Variants in KCND2 observed in about 807,000 individuals in gnomAD.
KCND2 encodes the protein A-type voltage-gated potassium channel KCND2.
Under a neutral mutation model 54.4 loss-of-function variants are expected in KCND2, and 16 were observed. The ratio of observed to expected loss-of-function variants is 0.29; its 90% CI spans 0.20 to 0.45. The LOEUF is 0.45. Among genes scored for constraint, KCND2 ranks in the 20% least tolerant of loss-of-function variants. The pLI is 1.00. For synonymous variants in KCND2, 317 were observed against 310.7 expected (o/e 1.02, Z -0.21); for missense variants, 486 against 824.2 (o/e 0.59, Z 5.02).
chr7:120,333,916 A>G (rs2116352248), intron 1 of KCND2, among the ~76,000 whole-genome samples: 1 of 152,270 alleles, frequency 6.6e-6, no homozygotes, highest in Non-Finnish European at 1.5e-5. Context: ...ATATGTGACT[A>G]CATTTTTTAA....
intron 1 of KCND2, among the ~76,000 whole-genome samples, chr7:120,550,678 G>C (rs1792095248): frequency 6.6e-6 from 1 of 152,142 alleles, no homozygotes; most frequent in Non-Finnish European, 1.5e-5. Flanking sequence ...TCTCCAGGGA[G>C]TCATTTCAGG....
At chr7:120,686,935 AC>A (rs1186180416) in intron 1 of KCND2, among the ~76,000 whole-genome samples, 5 of 152,102 alleles carry the variant, frequency 3.3e-5, no homozygotes, top group Non-Finnish European at 7.3e-5. Context: ...TTTCCTTGGC[AC>A]CGGTTGTGAA....
chr7:120,405,625 A>T (rs1297580303), intron 1 of KCND2, among the ~76,000 whole-genome samples: 1 of 152,158 alleles, frequency 6.6e-6, no homozygotes, highest in Admixed American at 6.6e-5. Context: ...ATTCACATGC[A>T]CACAGTTATA....
intron 1 of KCND2, among the ~76,000 whole-genome samples, chr7:120,358,834 T>C (rs1373989813): frequency 3.9e-5 from 6 of 152,202 alleles, no homozygotes. Context: ...TACAAATCTC[T>C]GGATATTTCA....
intron 1 of KCND2, among the ~76,000 whole-genome samples, chr7:120,609,994 G>A (rs1401856593): frequency 3.3e-5 from 5 of 152,070 alleles, no homozygotes; most frequent in African/African-American, 4.8e-5. Context: ...GCTATTTTTC[G>A]ATAATTTGGA....
At chr7:120,383,274 C>T (rs1161351698) in intron 1 of KCND2, among the ~76,000 whole-genome samples, 1 of 151,960 alleles carries the variant, frequency 6.6e-6, no homozygotes, top group African/African-American at 2.4e-5. Flanking sequence ...ACTTCTGTAT[C>T]AGCCAATGGC....
intron 1 of KCND2, among the ~76,000 whole-genome samples, chr7:120,409,828 T>C (rs1801421092): frequency 6.6e-6 from 1 of 151,920 alleles, no homozygotes; most frequent in Non-Finnish European, 1.5e-5. Flanking sequence ...AAATATTTTC[T>C]CCATCTGTGG....
In KCND2 at chr7:120,273,181, T is replaced by C. The variant is rs1799103482; in HGVS notation, c.-1452T>C. 2.0e-5 allele frequency among the ~76,000 whole-genome samples: 3 copies of C among 152,144 alleles called. No homozygotes were observed. The South Asian group carries it at 6.2e-4, about 32-fold the overall frequency. On this transcript the variant is annotated 5_prime_UTR_variant, in exon 1 of 6. Coordinates refer to ENST00000331113, the MANE Select transcript of KCND2 (RefSeq NM_012281.3). ...AAGGCAGGAGACGCCTTTCCTAACC[T>C]GCGTGGCGGGGCGTGCGCGCGGTTA...
intron 1 of KCND2, among the ~76,000 whole-genome samples, chr7:120,684,186 C>T (rs1231008330): frequency 2.6e-5 from 4 of 152,124 alleles, no homozygotes; most frequent in East Asian, 1.9e-4. Flanking sequence ...GCTCTGTGTA[C>T]GTGCTAGTGT....
At chr7:120,672,464 A>G (rs1382947712) in intron 1 of KCND2, among the ~76,000 whole-genome samples, 1 of 152,096 alleles carries the variant, frequency 6.6e-6, no homozygotes, top group Non-Finnish European at 1.5e-5. Context: ...GTTGTCTTTT[A>G]TAACACAGTT....
chr7:120,617,898 C>A (rs1214940798), intron 1 of KCND2, among the ~76,000 whole-genome samples: 1 of 152,118 alleles, frequency 6.6e-6, no homozygotes, highest in Non-Finnish European at 1.5e-5. Flanking sequence ...TTATCCTAAG[C>A]AAATTAATGC....
chr7:120,408,154 G>C (rs1801390556), intron 1 of KCND2, among the ~76,000 whole-genome samples: 1 of 151,922 alleles, frequency 6.6e-6, no homozygotes, highest in Non-Finnish European at 1.5e-5. Context: ...ATGCGAAGGA[G>C]AAGGAAGAAT....
At chr7:120,306,205 C>T (rs1222855501) in intron 1 of KCND2, among the ~76,000 whole-genome samples, 1 of 152,010 alleles carries the variant, frequency 6.6e-6, no homozygotes, top group Non-Finnish European at 1.5e-5. Flanking sequence ...TCAATCCCAC[C>T]TCCTCCGTAA....
intron 1 of KCND2, among the ~76,000 whole-genome samples, chr7:120,514,766 G>A (rs1182222895): frequency 6.6e-6 from 1 of 151,966 alleles, no homozygotes; most frequent in Admixed American, 6.6e-5. Flanking sequence ...GCATTAGTTA[G>A]ATTCTCATAA....
At chr7:120,653,771 A>C (rs193174075) in intron 1 of KCND2, among the ~76,000 whole-genome samples, 1 of 152,234 alleles carries the variant, frequency 6.6e-6, no homozygotes, top group South Asian at 2.1e-4. Context: ...GATATACAAA[A>C]TTTGAGTTCC....
At chr7:120,283,896 C>T (rs1037165015) in intron 1 of KCND2, among the ~76,000 whole-genome samples, 6 of 151,962 alleles carry the variant, frequency 3.9e-5, no homozygotes, top group African/African-American at 1.5e-4. Context: ...GTGAAGATTG[C>T]CATAGGATAT....
At position 120,364,728 on chromosome 7, in the gene KCND2, AG is replaced by A. The variant is rs66475671; in HGVS notation, c.1115+88983del. 5.6e-3 allele frequency among the ~76,000 whole-genome samples: 855 copies of A among 152,198 alleles called. 7 individuals are homozygous for A. The highest frequency in any genetic ancestry group is 0.02 in the African/African-American group (824 of 41,574). On this transcript the variant is annotated intron_variant, in intron 1 of 5. Coordinates refer to ENST00000331113, the MANE Select transcript of KCND2 (RefSeq NM_012281.3). Reference sequence around the variant, plus strand: ...ACCCCACGGTATTTTTGCTGAAGACAGGCCAGCATGATCAAACATCACCTGG... The same window carrying A: ...ACCCCACGGTATTTTTGCTGAAGACAGCCAGCATGATCAAACATCACCTGG...
intron 1 of KCND2, among the ~76,000 whole-genome samples, chr7:120,371,845 T>C (rs190469562): frequency 1.2e-4 from 19 of 152,098 alleles, no homozygotes; most frequent in African/African-American, 3.6e-4. Flanking sequence ...CTACAAACTC[T>C]ATGTTTGTGT....
intron 1 of KCND2, among the ~76,000 whole-genome samples, chr7:120,287,753 A>G (rs966265020): frequency 1.3e-5 from 2 of 152,064 alleles, no homozygotes; most frequent in Admixed American, 1.3e-4. Context: ...CTGAAGTAGG[A>G]GAATCACTTG....
Sources: gnomAD v4.1 joint callset for allele counts (sites outside exome capture counted in the v4.1 genomes callset) on GRCh38, gnomAD v4.1.1 for gene constraint, MANE v1.5 for transcripts, NCBI Gene and HGNC (gene_info 2026-07-23, HGNC 2026-07-21) for gene names.